The following PRKCE variants were observed in gnomAD, a reference collection of about 807,000 sequenced individuals.
The protein encoded by PRKCE is protein kinase C epsilon, also known as protein kinase C epsilon type.
In PRKCE, 16 loss-of-function variants were observed where a neutral mutation model predicts 85.4. That is an observed-to-expected ratio of 0.19 (90% CI 0.13 to 0.28). The LOEUF (loss-of-function observed/expected upper bound fraction) is 0.28, where lower values mean the gene tolerates loss of function less well. PRKCE is among the 10% of genes least tolerant of loss of function. The probability of loss-of-function intolerance (pLI) is 1.00; values close to 1 mark genes in which losing one functional copy is unlikely to be tolerated. For missense variants in PRKCE, 573 were observed against 975.2 expected (o/e 0.59, Z 5.49); for synonymous variants, 388 against 371.5 (o/e 1.04, Z -0.51).
chr2:46,026,372 T>C (rs760860377), intron 10 of PRKCE, among the ~76,000 whole-genome samples: 1 of 152,168 alleles, frequency 6.6e-6, no homozygotes, highest in East Asian at 1.9e-4. Flanking sequence ...ATCGGGAGTA[T>C]GGGCAGTTAG....
chr2:45,661,530 G>GTTTTTTTTT (rs11406618), intron 1 of PRKCE, among the ~76,000 whole-genome samples: 1 of 104,812 alleles, frequency 9.5e-6, no homozygotes. Context: ...TTTGTTTTTT[G>GTTTTTTTTT]TTTTTTTTTT....
At chr2:45,885,010 T>G (rs1695192228) in intron 2 of PRKCE, among the ~76,000 whole-genome samples, 2 of 132,974 alleles carry the variant, frequency 1.5e-5, no homozygotes, top group African/African-American at 2.8e-5. Context: ...TATTTGTTGT[T>G]GTTGTTGTTG....
At chr2:45,955,936 C>G (rs1030420802) in intron 2 of PRKCE, among the ~76,000 whole-genome samples, 1 of 152,202 alleles carries the variant, frequency 6.6e-6, no homozygotes, top group Non-Finnish European at 1.5e-5. Flanking sequence ...CTCCCAAATT[C>G]TCCCGTTATC....
chr2:45,713,726 T>G (rs562444708), intron 1 of PRKCE, among the ~76,000 whole-genome samples: 2 of 152,188 alleles, frequency 1.3e-5, no homozygotes, highest in African/African-American at 4.8e-5. Flanking sequence ...TTTCCACTCA[T>G]GGTAAATGAG....
At chr2:46,034,265 G>A (rs1328375660) in intron 10 of PRKCE, among the ~76,000 whole-genome samples, 1 of 152,162 alleles carries the variant, frequency 6.6e-6, no homozygotes, top group East Asian at 1.9e-4. Flanking sequence ...GATAGGGGCT[G>A]TCACCTACCC....
rs1360218014 is a variant in PRKCE, at chr2:45,652,910, T to G, written c.348+462T>G. Among the ~76,000 whole-genome samples, 3 of 152,172 alleles carry G rather than the reference T, an allele frequency of 2.0e-5. No homozygotes were observed. Among genetic ancestry groups the G allele is most frequent in the Admixed American group, 1.3e-4 (2 of 15,276 alleles). Reference sequence around the variant, plus strand: ...CTTAGCCGAGCGAGGAGTTGCTTTATTTTTCCCTCCGAGAGGAAGCTGGCT... The same window carrying G: ...CTTAGCCGAGCGAGGAGTTGCTTTAGTTTTCCCTCCGAGAGGAAGCTGGCT... On this transcript the variant is annotated intron_variant, in intron 1 of 14. Transcript: ENST00000306156. This position sits in a 1 kb window ranked among gnomAD's most constrained non-coding sequence, Gnocchi z 7.7.
intron 2 of PRKCE, among the ~76,000 whole-genome samples, chr2:45,857,487 C>G (rs1692770861): frequency 6.6e-6 from 1 of 152,240 alleles, no homozygotes. Context: ...CCCTATTAGC[C>G]TCTATACTCT....
chr2:45,893,850 T>C (rs1210020051), intron 2 of PRKCE, among the ~76,000 whole-genome samples: 5 of 152,164 alleles, frequency 3.3e-5, no homozygotes, highest in African/African-American at 4.8e-5. Context: ...CTGTTCTTTG[T>C]ATGCTGGAGG....
chr2:45,889,192 G>A (rs1254662886), intron 2 of PRKCE, among the ~76,000 whole-genome samples: 1 of 152,186 alleles, frequency 6.6e-6, no homozygotes, highest in East Asian at 1.9e-4. Flanking sequence ...AGTTGGGGGA[G>A]GGAAACACGC....
At chr2:45,800,869 A>G (rs1687809294) in intron 1 of PRKCE, among the ~76,000 whole-genome samples, 1 of 152,208 alleles carries the variant, frequency 6.6e-6, no homozygotes, top group Non-Finnish European at 1.5e-5. Context: ...CCATGGTTCC[A>G]GGTCCTCCCA....
intron 14 of PRKCE, among the ~76,000 whole-genome samples, chr2:46,175,166 GAA>G (rs1679304428): frequency 6.6e-6 from 1 of 152,168 alleles, no homozygotes; most frequent in Non-Finnish European, 1.5e-5. Context: ...CGAAAAGAAA[GAA>G]AGAGAAAACA....
At chr2:45,893,930 C>T (rs1573780019) in intron 2 of PRKCE, among the ~76,000 whole-genome samples, 1 of 152,124 alleles carries the variant, frequency 6.6e-6, no homozygotes, top group Non-Finnish European at 1.5e-5. Flanking sequence ...GGCCACAATC[C>T]TAGCCTCTCT....
At chr2:45,657,267 G>A (rs765989165) in intron 1 of PRKCE, among the ~76,000 whole-genome samples, 1 of 152,192 alleles carries the variant, frequency 6.6e-6, no homozygotes, top group Non-Finnish European at 1.5e-5. Flanking sequence ...ATTCCCCGGA[G>A]CAGCGAAGTC....
intron 1 of PRKCE, among the ~76,000 whole-genome samples, chr2:45,811,360 G>A (rs920641535): frequency 2.0e-5 from 3 of 152,160 alleles, no homozygotes; most frequent in Admixed American, 6.5e-5. Context: ...AAGATACAGC[G>A]TTCAGTGAAA....
At chr2:45,996,520 T>G (rs1704231654) in intron 6 of PRKCE, among the ~76,000 whole-genome samples, 1 of 152,230 alleles carries the variant, frequency 6.6e-6, no homozygotes, top group African/African-American at 2.4e-5. Flanking sequence ...AGTTCCTTGT[T>G]TACTGAGATA....
rs1435661589 is a variant in PRKCE at position 45,715,802 on chromosome 2, G to A, written c.348+63354G>A. On this transcript the variant is annotated intron_variant, in intron 1 of 14. Transcript: ENST00000306156. ...CAATTATTTTTGGGGGTGAGGATGG[G>A]GTCTGATGGTTTGGGACAGGTTGAG... is the stretch of plus-strand genomic sequence containing the variant. Among the ~76,000 whole-genome samples the A allele has an allele frequency of 5.3e-5, 8 of 152,236 alleles. No homozygotes were observed. In the South Asian group the frequency reaches 1.7e-3, roughly 32 times the overall value.
At chr2:45,844,861 C>A (rs1691649561) in intron 2 of PRKCE, among the ~76,000 whole-genome samples, 1 of 152,020 alleles carries the variant, frequency 6.6e-6, no homozygotes, top group African/African-American at 2.4e-5. Context: ...AAATCAGAAG[C>A]AATTGATTTT....
intron 10 of PRKCE, among the ~76,000 whole-genome samples, chr2:46,031,109 C>G (rs1553479554): frequency 6.6e-6 from 1 of 152,108 alleles, no homozygotes; most frequent in Non-Finnish European, 1.5e-5. Flanking sequence ...AGTGGGATAG[C>G]CAATTAGATT....
At chr2:45,756,214 C>T (rs1427916409) in intron 1 of PRKCE, among the ~76,000 whole-genome samples, 1 of 152,136 alleles carries the variant, frequency 6.6e-6, no homozygotes, top group East Asian at 1.9e-4. Context: ...TGAAGATCCA[C>T]CCTGTTTTCT....
Sources: gnomAD v4.1 joint callset for allele counts (sites outside exome capture counted in the v4.1 genomes callset) on GRCh38, gnomAD v4.1.1 for gene constraint, Gnocchi (gnomAD v3.1) non-coding constraint, MANE v1.5 for transcripts, NCBI Gene and HGNC (gene_info 2026-07-23, HGNC 2026-07-21) for gene names.